Variants in MAGI1 observed in about 807,000 individuals in gnomAD.
The protein encoded by MAGI1 is membrane-associated guanylate kinase, WW and PDZ domain-containing protein 1.
In MAGI1, 58 loss-of-function variants were observed where a neutral mutation model predicts 139.9. That is an observed-to-expected ratio of 0.41 (90% CI 0.34 to 0.52). The LOEUF (loss-of-function observed/expected upper bound fraction) is 0.52, where lower values mean the gene tolerates loss of function less well. Among genes scored for constraint, MAGI1 ranks in the 20% least tolerant of loss-of-function variants. The pLI is 0.12. For synonymous variants in MAGI1, 812 were observed against 737.9 expected, an observed-to-expected ratio of 1.10 and a Z score of -1.63; for missense variants, 1,874 against 1,901.6, an observed-to-expected ratio of 0.99 and a Z score of 0.27.
intron 2 of MAGI1, among the ~76,000 whole-genome samples, chr3:65,547,188 T>C (rs947882776): frequency 6.6e-6 from 1 of 152,194 alleles, no homozygotes; most frequent in Non-Finnish European, 1.5e-5. Context: ...TTTAAGCGCA[T>C]CTCTTATGCA....
At chr3:65,872,406 T>C (rs2059968441) in intron 1 of MAGI1, among the ~76,000 whole-genome samples, 1 of 152,228 alleles carries the variant, frequency 6.6e-6, no homozygotes, top group Non-Finnish European at 1.5e-5. Context: ...CATATTAGCC[T>C]GTCCCCTTCT....
intron 1 of MAGI1, among the ~76,000 whole-genome samples, chr3:65,991,811 T>A (rs986197683): frequency 6.6e-6 from 1 of 152,046 alleles, no homozygotes; most frequent in East Asian, 1.9e-4. Flanking sequence ...GGTCAGGAGT[T>A]TGAGACCAGC....
chr3:65,591,962 C>A (rs1455643713), intron 2 of MAGI1, among the ~76,000 whole-genome samples: 1 of 152,192 alleles, frequency 6.6e-6, no homozygotes, highest in Non-Finnish European at 1.5e-5. Flanking sequence ...TTACTCTGCT[C>A]TGCTTTTTCC....
intron 2 of MAGI1, among the ~76,000 whole-genome samples, chr3:65,579,898 T>C (rs1228641958): frequency 6.6e-6 from 1 of 150,436 alleles, no homozygotes; most frequent in Admixed American, 6.6e-5. Flanking sequence ...AAAAAGCCAA[T>C]GAAACTAGAC....
At chr3:65,747,500 A>G (rs1374570954) in intron 1 of MAGI1, among the ~76,000 whole-genome samples, 1 of 141,810 alleles carries the variant, frequency 7.1e-6, no homozygotes, top group Non-Finnish European at 1.6e-5. Context: ...CATAATAGGG[A>G]TATTATTGTA....
At chr3:65,511,325 G>A (rs1164866756) in intron 2 of MAGI1, among the ~76,000 whole-genome samples, 3 of 148,320 alleles carry the variant, frequency 2.0e-5, no homozygotes, top group Non-Finnish European at 3.0e-5. Flanking sequence ...AAATGTAAAT[G>A]GACTAAATTC....
intron 1 of MAGI1, among the ~76,000 whole-genome samples, chr3:65,679,931 C>A (rs1045115517): frequency 2.0e-5 from 3 of 152,196 alleles, no homozygotes; most frequent in African/African-American, 4.8e-5. Flanking sequence ...AAGACTAGGA[C>A]TACTGTAGGA....
intron 1 of MAGI1, among the ~76,000 whole-genome samples, chr3:65,694,119 T>C (rs959510741): frequency 1.3e-5 from 2 of 152,272 alleles, no homozygotes; most frequent in East Asian, 1.9e-4. Flanking sequence ...AAACTGGTGA[T>C]GTAAAATAGA....
At chr3:65,365,664 A>G (rs1941350980) in intron 18 of MAGI1, among the ~76,000 whole-genome samples, 1 of 152,196 alleles carries the variant, frequency 6.6e-6, no homozygotes. Flanking sequence ...CTCGTCATAC[A>G]TTTTCTAACA....
At chr3:65,725,623 TGGAA>T in intron 1 of MAGI1, among the ~76,000 whole-genome samples, 1 of 152,254 alleles carries the variant, frequency 6.6e-6, no homozygotes, top group East Asian at 1.9e-4. Flanking sequence ...TGGCATAGCA[TGGAA>T]AAGAAGAAAT....
intron 12 of MAGI1, among the ~76,000 whole-genome samples, chr3:65,416,167 T>C (rs1231779947): frequency 1.3e-5 from 2 of 152,194 alleles, no homozygotes; most frequent in African/African-American, 4.8e-5. Context: ...TTTTAAAACA[T>C]AGCTTTTACA....
chr3:65,916,225 C>T (rs944979750), intron 1 of MAGI1, among the ~76,000 whole-genome samples: 1 of 152,008 alleles, frequency 6.6e-6, no homozygotes, highest in Non-Finnish European at 1.5e-5. Context: ...TGCCACCACA[C>T]CCAACCAGTT....
intron 1 of MAGI1, among the ~76,000 whole-genome samples, chr3:65,686,450 C>A (rs570747492): frequency 6.6e-6 from 1 of 152,210 alleles, no homozygotes; most frequent in South Asian, 2.1e-4. Context: ...CACCACCAAG[C>A]CCAGCTAATT....
chr3:65,597,080 T>C (rs1023458200), intron 2 of MAGI1, among the ~76,000 whole-genome samples: 1 of 151,984 alleles, frequency 6.6e-6, no homozygotes, highest in South Asian at 2.1e-4. Flanking sequence ...CTCCCCTGCC[T>C]TCCCCAGCCT....
intron 1 of MAGI1, among the ~76,000 whole-genome samples, chr3:65,819,498 T>C (rs1296001567): frequency 6.6e-6 from 1 of 152,084 alleles, no homozygotes; most frequent in African/African-American, 2.4e-5. Flanking sequence ...AGAGAGATCT[T>C]CCTTCAAACC....
At chr3:65,563,790 T>C (rs904279519) in intron 2 of MAGI1, among the ~76,000 whole-genome samples, 1 of 152,214 alleles carries the variant, frequency 6.6e-6, no homozygotes, top group Non-Finnish European at 1.5e-5. Flanking sequence ...AGGTAGTTAC[T>C]AGGAGTTGTT....
chr3:66,008,326 C>T (rs2067139157), intron 1 of MAGI1, among the ~76,000 whole-genome samples: 1 of 152,328 alleles, frequency 6.6e-6, no homozygotes, highest in Non-Finnish European at 1.5e-5. Context: ...TTCACAAGCA[C>T]AGTCAACGTG....
intron 1 of MAGI1, among the ~76,000 whole-genome samples, chr3:65,807,443 A>G (rs1410858625): frequency 6.6e-6 from 1 of 152,218 alleles, no homozygotes; most frequent in Non-Finnish European, 1.5e-5. Context: ...CACAGCCTAA[A>G]GGCCACACCT....
At chr3:65,508,852 C>A (rs913085185) in intron 2 of MAGI1, among the ~76,000 whole-genome samples, 2 of 152,202 alleles carry the variant, frequency 1.3e-5, no homozygotes, top group African/African-American at 4.8e-5. Context: ...CTGGTTCTCA[C>A]TCTTGGGTTC....
Sources: allele counts gnomAD v4.1 joint callset (sites outside exome capture counted in the v4.1 genomes callset), GRCh38; gene constraint gnomAD v4.1.1; transcripts MANE v1.5; gene names NCBI Gene and HGNC (gene_info 2026-07-23, HGNC 2026-07-21).